The following STK10 variants were observed in gnomAD, a reference collection of about 807,000 sequenced individuals.
STK10 encodes the protein serine/threonine-protein kinase 10.
A neutral mutation model predicts 113.8 loss-of-function variants in STK10; 78 were observed. The observed-to-expected ratio is 0.69, with a 90% CI of 0.57 to 0.83. The LOEUF (loss-of-function observed/expected upper bound fraction) is 0.83. Among genes scored for constraint, STK10 ranks in the 40% least tolerant of loss-of-function variants. The pLI is 0.00. For missense variants in STK10, 1,109 were observed against 1,280.1 expected (o/e 0.87, Z 2.04); for synonymous variants, 465 against 494.7 (o/e 0.94, Z 0.80).
At chr5:172,163,106 CAGG>C (rs1338247739) in intron 1 of STK10, among the ~76,000 whole-genome samples, 9 of 152,224 alleles carry the variant, frequency 5.9e-5, no homozygotes, top group African/African-American at 1.9e-4. Flanking sequence ...CTTGAGGCCA[CAGG>C]AGATGTAATA....
intron 10 of STK10, 130 bp from the exon 11 acceptor site, chr5:172,083,214 T>G: frequency 8.8e-7 from 1 of 1,132,708 alleles, no homozygotes. Context: ...CAGGCATGAC[T>G]AGAACTCAGG....
intron 4 of STK10, among the ~76,000 whole-genome samples, chr5:172,111,888 A>C (rs1769245365): frequency 6.6e-6 from 1 of 152,270 alleles, no homozygotes; most frequent in South Asian, 2.1e-4. Flanking sequence ...ATATGTAAAA[A>C]ATAAAACTGG....
At chr5:172,156,831 A>C (rs760068126) in intron 1 of STK10, 43 bp from the exon 2 acceptor site, 4 of 1,587,352 alleles carry the variant, frequency 2.5e-6, no homozygotes, top group Non-Finnish European at 3.4e-6. Flanking sequence ...CATGCTCCGC[A>C]GGAAACTGAC....
intron 18 of STK10, among the ~76,000 whole-genome samples, chr5:172,051,957 G>A (rs951621201): frequency 2.6e-5 from 4 of 152,320 alleles, no homozygotes; most frequent in African/African-American, 7.2e-5. Flanking sequence ...GGGACTGAGC[G>A]AGGGCATGGG....
chr5:172,089,319 G>GT (rs1176343162), intron 10 of STK10, among the ~76,000 whole-genome samples: 1 of 152,172 alleles, frequency 6.6e-6, no homozygotes, highest in Non-Finnish European at 1.5e-5. Flanking sequence ...CCCATTAGGT[G>GT]TAAGTTCTAC....
intron 1 of STK10, among the ~76,000 whole-genome samples, chr5:172,167,158 CAAA>C (rs1472268822): frequency 1.0e-5 from 1 of 96,530 alleles, no homozygotes. Context: ...GAATCTGTCT[CAAA>C]AAAAAAAAAA....
chr5:172,091,780 C>T (rs554407176), intron 9 of STK10, among the ~76,000 whole-genome samples: 6 of 152,334 alleles, frequency 3.9e-5, no homozygotes, highest in Admixed American at 2.0e-4. Flanking sequence ...GATCCACCCG[C>T]CTTGGCCTCC....
chr5:172,075,634 C>T (rs908377673), intron 12 of STK10, among the ~76,000 whole-genome samples: 5 of 152,020 alleles, frequency 3.3e-5, no homozygotes, highest in African/African-American at 7.2e-5. Context: ...GAGCCGAGAT[C>T]GTGCCATTGC....
rs115786543 is a variant in STK10 at position 172,081,676 on chromosome 5, C to T, written c.1989+650G>A. Among the ~76,000 whole-genome samples, 394 of 152,248 alleles carry T rather than the reference C, an allele frequency of 2.6e-3. 1 individual carries two copies. Among genetic ancestry groups the T allele is most frequent in the African/African-American group, 9.1e-3 (378 of 41,556 alleles). On this transcript the variant is annotated intron_variant, in intron 12 of 18. Coordinates refer to ENST00000176763, the MANE Select transcript of STK10 (RefSeq NM_005990.4). The stretch of plus-strand genomic sequence containing the variant: ...TCTGGAATCTGGGCTCTGAGGTCCT[C>T]TGAGGACCACCCTCAGAGGCTGCTC...
chr5:172,052,482 G>A (rs1421698226), intron 18 of STK10, among the ~76,000 whole-genome samples: 2 of 152,228 alleles, frequency 1.3e-5, no homozygotes, highest in South Asian at 2.1e-4. Context: ...CTAGGAGAGA[G>A]TAAACGGGCG....
intron 1 of STK10, among the ~76,000 whole-genome samples, chr5:172,159,996 C>A (rs895436306): frequency 1.3e-5 from 2 of 151,308 alleles, no homozygotes; most frequent in Admixed American, 1.3e-4. Flanking sequence ...ATTAGCTGGG[C>A]GTGGTGGCAG....
intron 1 of STK10, among the ~76,000 whole-genome samples, chr5:172,171,824 A>C (rs558011607): frequency 5.3e-5 from 8 of 152,048 alleles, no homozygotes; most frequent in African/African-American, 1.4e-4. Flanking sequence ...CCACAAATAT[A>C]TTCTTCCATA....
At chr5:172,081,349 T>G (rs1397260268) in intron 12 of STK10, among the ~76,000 whole-genome samples, 1 of 84,234 alleles carries the variant, frequency 1.2e-5, no homozygotes, top group Non-Finnish European at 2.2e-5. Flanking sequence ...AGACTCCATC[T>G]CCAAAAAAAA....
At position 172,082,826 on chromosome 5, in the gene STK10, T is replaced by C; in HGVS notation, c.1809+135A>G. 7.2e-7 allele frequency: 1 copy of C among 1,391,216 alleles called. No homozygotes were observed. The highest frequency in any genetic ancestry group is 9.7e-7 in the Non-Finnish European group (1 of 1,030,620). The allele number at this position is 1,391,216 out of a possible 1,614,324, so 86.2% of individuals were successfully genotyped here. A position where few individuals can be genotyped will look rare whatever the true frequency, so the allele number is the denominator to read the frequency against. The stretch of plus-strand genomic sequence containing the variant: ...GTTAACAAGTCACTGCCTAACAAGA[T>C]CGGGAAGCCCCCAGGAATTGGGCAA... On this transcript the variant is annotated intron_variant, in intron 11 of 18. Transcript: ENST00000176763. This position sits in a 1 kb window ranked among gnomAD's most constrained non-coding sequence, Gnocchi z 4.3.
At position 172,042,478 on chromosome 5, in the gene STK10, AG is replaced by A. The variant is rs1290149555; in HGVS notation, c.*2403del. On this transcript the variant is annotated 3_prime_UTR_variant, in exon 19 of 19. Transcript: ENST00000176763. ...AAAGTGATGTGAAGGACGAGCCACG[AG>A]GGGAATGATCACAGACTTTCACCTG... is the stretch of plus-strand genomic sequence containing the variant. 2 of 152,640 alleles carry A rather than the reference AG, an allele frequency of 1.3e-5. No individual in the cohort carries two copies. Among genetic ancestry groups the A allele is most frequent in the African/African-American group, 4.8e-5 (2 of 41,444 alleles). 9.5% of individuals were successfully genotyped at this position (152,640 alleles called of 1,614,324 possible). A position where few individuals can be genotyped will look rare whatever the true frequency, so the allele number is the denominator to read the frequency against.
chr5:172,066,102 G>A (rs1768063344), intron 12 of STK10, among the ~76,000 whole-genome samples: 1 of 152,192 alleles, frequency 6.6e-6, no homozygotes, highest in South Asian at 2.1e-4. Context: ...AAGAGCATCT[G>A]ATGGGGGGAA....
intron 3 of STK10, among the ~76,000 whole-genome samples, chr5:172,119,593 G>T (rs1006614833): frequency 2.6e-5 from 4 of 152,024 alleles, no homozygotes; most frequent in African/African-American, 9.7e-5. Context: ...GGCCAGGCGC[G>T]GTGGCTCACG....
chr5:172,136,576 G>A (rs553586217), intron 2 of STK10, among the ~76,000 whole-genome samples: 19 of 151,754 alleles, frequency 1.3e-4, no homozygotes, highest in South Asian at 2.1e-4. Flanking sequence ...CAGCCTGGGC[G>A]ACAGAGCGAG....
chr5:172,048,233 G>C (rs1767537681), intron 18 of STK10, among the ~76,000 whole-genome samples: 1 of 151,978 alleles, frequency 6.6e-6, no homozygotes, highest in Admixed American at 6.6e-5. Flanking sequence ...CATGTGGGTG[G>C]GCCTCAATCA....
Sources: allele counts gnomAD v4.1 joint callset (sites outside exome capture counted in the v4.1 genomes callset), GRCh38; gene constraint gnomAD v4.1.1; non-coding constraint Gnocchi (gnomAD v3.1); transcripts MANE v1.5; gene names NCBI Gene and HGNC (gene_info 2026-07-23, HGNC 2026-07-21).